The following FAT2 variants were observed in gnomAD, a reference collection of about 807,000 sequenced individuals.
FAT2 encodes the protein FAT atypical cadherin 2, also known as protocadherin Fat 2.
FAT2 carries 150 observed loss-of-function variants against 295.3 expected under a neutral mutation model. The observed-to-expected ratio is 0.51, with a 90% CI of 0.44 to 0.58. FAT2 has a LOEUF of 0.58. Ranked by LOEUF, FAT2 falls within the 20% of genes least tolerant of loss-of-function variation. The probability of loss-of-function intolerance (pLI) is 0.00; values close to 1 mark genes in which losing one functional copy is unlikely to be tolerated. For synonymous variants in FAT2, 2,026 were observed against 2,150.3 expected (o/e 0.94, Z 1.60); for missense variants, 4,868 against 5,442.7 (o/e 0.89, Z 3.32).
chr5:151,592,439 C>T (rs75499007), upstream of FAT2, among the ~76,000 whole-genome samples: 87 of 152,198 alleles, frequency 5.7e-4, no homozygotes, highest in Non-Finnish European at 2.2e-4. Flanking sequence ...CTCCCTCCCC[C>T]CAGGTCTTGA....
intron 1 of FAT2, among the ~76,000 whole-genome samples, chr5:151,572,766 G>T (rs1758581961): frequency 6.6e-6 from 1 of 152,246 alleles, no homozygotes; most frequent in Non-Finnish European, 1.5e-5. Context: ...TGAGGGTGGG[G>T]TCCGCTGAAG....
chr5:151,563,991 G>T (rs1758138270), intron 2 of FAT2, among the ~76,000 whole-genome samples: 1 of 152,136 alleles, frequency 6.6e-6, no homozygotes, highest in Admixed American at 6.5e-5. Flanking sequence ...CTGTAAGTGA[G>T]GTTTTCTTAT....
rs151157460 is a variant in FAT2 at position 151,543,417 on chromosome 5, C to T, written c.7710G>A (p.Thr2570=). 82 of 1,613,878 alleles carry T rather than the reference C, an allele frequency of 5.1e-5. No individual in the cohort carries two copies. Among genetic ancestry groups the T allele is most frequent in the East Asian group, 1.6e-4 (7 of 44,868 alleles). The part of the protein sequence containing the change: ...RDGGGRVAFC[T]VKIILTDEND... ...TTTCATCTGTGAGGATGATCTTCAC[C>T]GTGCAGAAGGCTACTCTTCCTCCTC... The change falls in exon 10 of 24, where the codon ACG becomes ACA. Residue 2570 remains threonine, a synonymous_variant. Transcript: ENST00000261800.
intron 22 of FAT2, chr5:151,509,814 G>C (rs779227392): frequency 1.7e-6 from 1 of 581,588 alleles, no homozygotes; most frequent in Non-Finnish European, 3.1e-6. Flanking sequence ...CGTTTCTCCT[G>C]CCTGGTCCGT....
intron 21 of FAT2, 37 bp from the exon 22 acceptor site, chr5:151,510,211 G>A (rs2127568135): frequency 6.2e-7 from 1 of 1,609,256 alleles, no homozygotes; most frequent in Non-Finnish European, 8.5e-7. Context: ...GACCGCACTG[G>A]CCTAGCAGTT....
chr5:151,551,380 T>A (rs575960959), intron 7 of FAT2, 87 bp downstream of exon 7: 13 of 1,393,832 alleles, frequency 9.3e-6, no homozygotes, highest in Non-Finnish European at 1.3e-5. Context: ...GAACACCACA[T>A]CCACAGAAAA....
In FAT2 at chr5:151,529,239, G is replaced by C; in HGVS notation, c.9965C>G (p.Pro3322Arg). 6.2e-7 allele frequency: 1 copy of C among 1,614,114 alleles called. No homozygotes were observed. Among genetic ancestry groups the C allele is most frequent in the Non-Finnish European group, 8.5e-7 (1 of 1,179,996 alleles). ...GACCCTTGTGCTATATGGATCTTGGGGGAATTGGGGCCGGTGTTCATTGAC... is the reference window on the plus strand; with the variant it reads ...GACCCTTGTGCTATATGGATCTTGGCGGAATTGGGGCCGGTGTTCATTGAC... ...TDVNEHRPQF[P>R]QDPYSTRVLE... Residue 3322 changes from proline (P) to arginine (R), a missense_variant, in exon 15 of 24, where the codon CCC becomes CGC. By Grantham distance (103) the Pro-to-Arg change is moderately radical. Transcript: ENST00000261800.
chr5:151,511,859 G>A (rs1761348179), intron 21 of FAT2: 1 of 343,634 alleles, frequency 2.9e-6, no homozygotes, highest in Non-Finnish European at 5.3e-6. Context: ...ATGAGAAGGA[G>A]ACTGTGCATA....
intron 3 of FAT2, 86 bp from the exon 4 acceptor site, chr5:151,556,488 T>G (rs1757704070): frequency 1.2e-6 from 1 of 854,222 alleles, no homozygotes; most frequent in Admixed American, 2.1e-5. Context: ...TACATTCAAA[T>G]CTCAGATAAG....
At position 151,531,496 on chromosome 5, in the gene FAT2, G is replaced by T; in HGVS notation, c.9811+91C>A. On this transcript the variant is annotated intron_variant, in intron 14 of 23. Transcript: ENST00000261800. This position sits in a 1 kb window ranked among gnomAD's most constrained non-coding sequence, Gnocchi z 5.7. ...GAGGAGGTCTGCTCTGGGAGGCGCT[G>T]CACAGGGTAGATACCCACACAGGGG... 9.1e-6 allele frequency: 14 copies of T among 1,533,112 alleles called. No homozygotes were observed. Among genetic ancestry groups the T allele is most frequent in the Non-Finnish European group, 1.2e-5 (14 of 1,127,574 alleles). 95.0% of individuals were successfully genotyped at this position (1,533,112 alleles called of 1,614,324 possible).
chr5:151,556,539 G>T (rs1163915413), intron 3 of FAT2, 137 bp from the exon 4 acceptor site: 2 of 631,716 alleles, frequency 3.2e-6, no homozygotes, highest in Non-Finnish European at 5.5e-6. Context: ...GACCATCCCT[G>T]ACTTAGGATA....
chr5:151,567,636 G>T lies in FAT2; in HGVS notation c.1296C>A (p.His432Gln). 6.2e-7 allele frequency: 1 copy of T among 1,614,146 alleles called. No homozygotes were observed. Among genetic ancestry groups the T allele is most frequent in the Non-Finnish European group, 8.5e-7 (1 of 1,180,020 alleles). The change falls in exon 2 of 24, where the codon CAC becomes CAA. Residue 432 changes from histidine (H) to glutamine (Q), a missense_variant. Around this residue, in one of 5 missense-constraint regions of FAT2, gnomAD observed 3,297 missense variants for 3,669.4 expected, o/e 0.90. Coordinates refer to ENST00000261800, the MANE Select transcript of FAT2 (RefSeq NM_001447.3). ...AGGCCTGGCCCGGTGAGGTTCTGAT[G>T]TGTAGCTGATAGTGGGCTCTGTCGT... is the stretch of plus-strand genomic sequence containing the variant. ...DFHDRAHYQL[H>Q]IRTSPGQAST...
intron 15 of FAT2, 84 bp downstream of exon 15, chr5:151,529,094 C>T (rs1561832196): frequency 4.3e-6 from 5 of 1,167,620 alleles, no homozygotes; most frequent in East Asian, 2.3e-5. Flanking sequence ...CTAATCCATG[C>T]TCATAGATGG....
At chr5:151,592,370 T>C (rs1240644438), upstream of FAT2, among the ~76,000 whole-genome samples, 6 of 152,152 alleles carry the variant, frequency 3.9e-5, no homozygotes, top group African/African-American at 1.4e-4. Context: ...CAGAGGTAAA[T>C]GAAATCGCTC....
At chr5:151,537,332 AG>A (rs768565685) in intron 12 of FAT2, among the ~76,000 whole-genome samples, 68 of 1,402 alleles carry the variant, frequency 0.049, no homozygotes, top group South Asian at 0.17. Context: ...AAAAAAAGAA[AG>A]AAAAGAAAAG....
At position 151,545,248 on chromosome 5, in the gene FAT2, T is replaced by C. The variant is rs752572960; in HGVS notation, c.5879A>G (p.Gln1960Arg). 6.2e-7 allele frequency: 1 copy of C among 1,614,162 alleles called. No homozygotes were observed. The highest frequency in any genetic ancestry group is 8.5e-7 in the Non-Finnish European group (1 of 1,180,022). Reference protein sequence around the residue: ...DTALVKISLTQVLDKSLQFDQ... With the variant: ...DTALVKISLTRVLDKSLQFDQ... ...AAACTGCAAGCTTTTGTCAAGCACT[T>C]GGGTCAAAGAAATTTTTACCAGCGC... The change falls in exon 10 of 24, where the codon CAA becomes CGA. Residue 1960 changes from glutamine (Q) to arginine (R), a missense_variant. Coordinates refer to ENST00000261800, the MANE Select transcript of FAT2 (RefSeq NM_001447.3).
chr5:151,582,511 C>A (rs537391163), intron 1 of FAT2, among the ~76,000 whole-genome samples: 79 of 152,270 alleles, frequency 5.2e-4, no homozygotes, highest in African/African-American at 1.8e-3. Flanking sequence ...GGGTGGGGCT[C>A]AGAAATAGAT....
chr5:151,550,947 G>A, intron 7 of FAT2, 76 bp from the exon 8 acceptor site: 1 of 1,374,848 alleles, frequency 7.3e-7, no homozygotes, highest in East Asian at 2.3e-5. Flanking sequence ...GGACCTCCCT[G>A]TATCACCCAG....
At chr5:151,569,591 C>T (rs1051374339) in intron 1 of FAT2, among the ~76,000 whole-genome samples, 1 of 152,154 alleles carries the variant, frequency 6.6e-6, no homozygotes, top group Non-Finnish European at 1.5e-5. Context: ...TGAGAAACCC[C>T]GTGGCTGAAG....
Sources: allele counts gnomAD v4.1 joint callset (sites outside exome capture counted in the v4.1 genomes callset), GRCh38; gene constraint gnomAD v4.1.1; regional missense constraint gnomAD v4.1.1; non-coding constraint Gnocchi (gnomAD v3.1); transcripts MANE v1.5; gene names NCBI Gene and HGNC (gene_info 2026-07-23, HGNC 2026-07-21).